The following AKAP19 variants were observed in gnomAD, a reference collection of about 807,000 sequenced individuals.
AKAP19 encodes A-kinase anchoring protein 19, also known as small A-kinase anchoring protein.
At chr2:190,142,210 G>A in the AKAP19 span, among the ~76,000 whole-genome samples, 1 of 152,090 alleles carries the variant, frequency 6.6e-6, no homozygotes, top group South Asian at 2.1e-4. Flanking sequence ...CTGCCATCCT[G>A]CAAACTCAAG....
chr2:189,984,317 C>T, the AKAP19 span, among the ~76,000 whole-genome samples: 52 of 152,108 alleles, frequency 3.4e-4, no homozygotes, highest in Non-Finnish European at 6.5e-4. Flanking sequence ...CCCCTAGGTG[C>T]GCATTCTCTT....
At chr2:190,008,535 G>C in the AKAP19 span, among the ~76,000 whole-genome samples, 2 of 152,030 alleles carry the variant, frequency 1.3e-5, no homozygotes, top group African/African-American at 4.8e-5. Flanking sequence ...TTATTATAAT[G>C]ATAGCCCAAT....
the AKAP19 span, among the ~76,000 whole-genome samples, chr2:190,044,707 C>G: frequency 0.11 from 16,050 of 152,162 alleles, 2,265 homozygotes; most frequent in African/African-American, 0.32. Context: ...TAGGCTGCTG[C>G]AGTATGCTTG....
the AKAP19 span, among the ~76,000 whole-genome samples, chr2:189,993,998 A>G: frequency 6.8e-6 from 1 of 146,246 alleles, no homozygotes; most frequent in African/African-American, 2.5e-5. Context: ...ATACAATTTC[A>G]TTTAGTTCTG....
At chr2:190,111,316 C>T in the AKAP19 span, among the ~76,000 whole-genome samples, 1 of 152,102 alleles carries the variant, frequency 6.6e-6, no homozygotes, top group Non-Finnish European at 1.5e-5. Flanking sequence ...AATCAGATTC[C>T]TTCTCATGGC....
the AKAP19 span, among the ~76,000 whole-genome samples, chr2:190,173,040 G>A: frequency 8.6e-5 from 13 of 152,042 alleles, no homozygotes; most frequent in East Asian, 1.9e-3. Context: ...ACTTGAACCC[G>A]GGAGGCAGAC....
At chr2:190,195,941 C>CTTTTTTTTTTTTTTT in the AKAP19 span, among the ~76,000 whole-genome samples, 3 of 86,210 alleles carry the variant, frequency 3.5e-5, no homozygotes, top group Non-Finnish European at 6.9e-5. Flanking sequence ...CTGTGTCCAG[C>CTTTTTTTTTTTTTTT]TTTTTTTTTT....
chr2:189,976,661 C>T, the AKAP19 span, among the ~76,000 whole-genome samples: 3 of 152,240 alleles, frequency 2.0e-5, no homozygotes, highest in African/African-American at 7.2e-5. Flanking sequence ...TTTACCTACT[C>T]AAGCCTCAGC....
chr2:190,123,418 A>G, the AKAP19 span, among the ~76,000 whole-genome samples: 2 of 152,102 alleles, frequency 1.3e-5, no homozygotes, highest in Non-Finnish European at 2.9e-5. Context: ...AAAGCTTGAT[A>G]TTTAGGTGTG....
chr2:190,180,784 G>C, the AKAP19 span: 15 of 985,250 alleles, frequency 1.5e-5, no homozygotes, highest in African/African-American at 2.4e-4. This position sits in a 1 kb window ranked among gnomAD's most constrained non-coding sequence, Gnocchi z 6.8. Context: ...AACCCGCGAG[G>C]AGCGCGCGGC....
At chr2:189,945,868 C>T in the AKAP19 span, among the ~76,000 whole-genome samples, 1 of 152,174 alleles carries the variant, frequency 6.6e-6, no homozygotes, top group Non-Finnish European at 1.5e-5. Context: ...CATTGCTCTA[C>T]ATATATGTCT....
chr2:189,923,801 G>A, the AKAP19 span: 3 of 1,611,988 alleles, frequency 1.9e-6, no homozygotes, highest in Admixed American at 3.3e-5. Flanking sequence ...TTCACAAAGG[G>A]GCATAAGTGG....
At chr2:189,980,346 G>A in the AKAP19 span, among the ~76,000 whole-genome samples, 1 of 152,226 alleles carries the variant, frequency 6.6e-6, no homozygotes, top group East Asian at 1.9e-4. Context: ...TCATTTTTTA[G>A]TTTTGTTTTT....
the AKAP19 span, among the ~76,000 whole-genome samples, chr2:190,153,833 T>C: frequency 6.6e-6 from 1 of 152,258 alleles, no homozygotes; most frequent in African/African-American, 2.4e-5. Context: ...CATTCATAAC[T>C]AAAGTTGATA....
At chr2:190,048,564 G>A in the AKAP19 span, among the ~76,000 whole-genome samples, 13 of 151,954 alleles carry the variant, frequency 8.6e-5, no homozygotes, top group East Asian at 1.9e-4. Context: ...ATCCCCCCAC[G>A]TACAACTAGT....
At chr2:190,140,245 G>A in the AKAP19 span, among the ~76,000 whole-genome samples, 1 of 152,294 alleles carries the variant, frequency 6.6e-6, no homozygotes, top group South Asian at 2.1e-4. Context: ...CTGCTGTTGG[G>A]TGTCTGTGGC....
chr2:190,002,872 A>G, the AKAP19 span, among the ~76,000 whole-genome samples: 1 of 152,286 alleles, frequency 6.6e-6, no homozygotes, highest in South Asian at 2.1e-4. Context: ...AATGTCGTCC[A>G]CGGAATTTTG....
At chr2:190,096,006 C>T in the AKAP19 span, among the ~76,000 whole-genome samples, 5 of 152,114 alleles carry the variant, frequency 3.3e-5, no homozygotes, top group Non-Finnish European at 7.4e-5. Flanking sequence ...TCTTAGACCT[C>T]GGTGGTGTGG....
At chr2:190,180,258 C>T in the AKAP19 span, among the ~76,000 whole-genome samples, 1 of 152,232 alleles carries the variant, frequency 6.6e-6, no homozygotes, top group Non-Finnish European at 1.5e-5. The surrounding 1 kb of genome is among the most constrained non-coding windows in gnomAD (Gnocchi z 6.8). Context: ...TCTGCCCGGC[C>T]CAAGCGCAGA....
Sources: gnomAD v4.1 joint callset for allele counts (sites outside exome capture counted in the v4.1 genomes callset) on GRCh38, gnomAD v4.1.1 for gene constraint, Gnocchi (gnomAD v3.1) non-coding constraint, MANE v1.5 for transcripts, NCBI Gene and HGNC (gene_info 2026-07-23, HGNC 2026-07-21) for gene names.